Variants in ADAMTS18 observed in about 807,000 individuals in gnomAD.
ADAMTS18 encodes the protein A disintegrin and metalloproteinase with thrombospondin motifs 18.
ADAMTS18 carries 157 observed loss-of-function variants against 165.9 expected under a neutral mutation model. That is an observed-to-expected ratio of 0.95 (90% CI 0.83 to 1.08). The LOEUF is 1.08. ADAMTS18 is among the 50% of genes least tolerant of loss of function. ADAMTS18 has a pLI of 0.00. For missense variants in ADAMTS18, 2,040 were observed against 1,534.0 expected (o/e 1.33, Z -5.51); for synonymous variants, 782 against 578.2 (o/e 1.35, Z -5.06).
At chr16:77,354,759 T>A (rs2056603755) in intron 9 of ADAMTS18, among the ~76,000 whole-genome samples, 1 of 152,230 alleles carries the variant, frequency 6.6e-6, no homozygotes, top group South Asian at 2.1e-4. Context: ...CAAAGTTAGC[T>A]GCTGCTGTTA....
rs1362425635 is a variant in ADAMTS18, at chr16:77,322,460, T to C, written c.2039A>G (p.Asp680Gly). ...AGCCTTGCAGTACAGTTTGCATCGA[T>C]CTTCCTCTAGAAACAAAGAGATCAA... Reference protein sequence around the residue: ...WKPYTKVEEEDRCKLYCKAEN... With the variant: ...WKPYTKVEEEGRCKLYCKAEN... The change falls in exon 14 of 23, where the codon GAT (aspartate) becomes GGT (glycine). Residue 680 changes from aspartate to glycine, a missense_variant. Physicochemically the swap from Asp to Gly is moderately conservative, Grantham distance 94. Transcript: ENST00000282849. 6.2e-7 allele frequency: 1 copy of C among 1,613,998 alleles called. No homozygotes were observed.
At chr16:77,319,268 T>C (rs2055943882) in intron 16 of ADAMTS18, among the ~76,000 whole-genome samples, 1 of 152,286 alleles carries the variant, frequency 6.6e-6, no homozygotes. Flanking sequence ...AAAAGTATTC[T>C]TGCTACATTC....
chr16:77,299,375 A>G (rs994557093), intron 17 of ADAMTS18, among the ~76,000 whole-genome samples: 1 of 152,242 alleles, frequency 6.6e-6, no homozygotes, highest in African/African-American at 2.4e-5. Flanking sequence ...ATTATTTTAT[A>G]TATGTATCCT....
At chr16:77,351,715 T>C (rs140133476) in intron 10 of ADAMTS18, among the ~76,000 whole-genome samples, 10 of 152,126 alleles carry the variant, frequency 6.6e-5, no homozygotes, top group African/African-American at 2.2e-4. Flanking sequence ...AACAGGAAAA[T>C]AGAACAGTCT....
At chr16:77,355,403 A>G (rs116328893) in intron 9 of ADAMTS18, among the ~76,000 whole-genome samples, 1,932 of 152,322 alleles carry the variant, frequency 0.013, 56 homozygotes, top group African/African-American at 0.043. Flanking sequence ...CATTTCAAAC[A>G]TAATAGTCAA....
chr16:77,289,163 C>G (rs1046288680), intron 22 of ADAMTS18, 101 bp downstream of exon 22: 2 of 1,471,644 alleles, frequency 1.4e-6, no homozygotes, highest in African/African-American at 1.4e-5. Context: ...ATGGCTTACC[C>G]TAGAGTTGTA....
chr16:77,294,272 T>A (rs945466178), intron 19 of ADAMTS18, among the ~76,000 whole-genome samples: 5 of 152,112 alleles, frequency 3.3e-5, no homozygotes, highest in African/African-American at 1.2e-4. Flanking sequence ...TAATTCTTTG[T>A]GGTGAGGAGC....
chr16:77,312,449 G>A (rs1208941833), intron 16 of ADAMTS18, among the ~76,000 whole-genome samples: 1 of 152,068 alleles, frequency 6.6e-6, no homozygotes, highest in Admixed American at 6.6e-5. Context: ...TGTTGGCTGG[G>A]CTGGTCTCGA....
rs1363359003 is a variant in ADAMTS18 at position 77,292,971 on chromosome 16, C to A, written c.3189+105G>T. On this transcript the variant is annotated intron_variant, in intron 20 of 22. Transcript: ENST00000282849. ...AGTAGATCAGACTACAGGCGCCTGC[C>A]ACCTTGCCTGGCTAATTTTTTGTAT... 3.5e-6 allele frequency: 5 copies of A among 1,438,748 alleles called. No individual in the cohort carries two copies. The Admixed American group carries it at 8.7e-5, about 25-fold the overall frequency. 89.1% of individuals were successfully genotyped at this position (1,438,748 alleles called of 1,614,324 possible).
intron 16 of ADAMTS18, among the ~76,000 whole-genome samples, chr16:77,315,022 A>G (rs544979423): frequency 1.3e-5 from 2 of 151,444 alleles, no homozygotes; most frequent in African/African-American, 4.9e-5. Flanking sequence ...CTGTGTGTAG[A>G]ACATCTTGGA....
At position 77,334,907 on chromosome 16, in the gene ADAMTS18, G is replaced by C. The variant is rs8045729; in HGVS notation, c.1859+849C>G. The stretch of plus-strand genomic sequence containing the variant: ...TATTATAATATACAGTATATATACT[G>C]TACATTATAGTATATAGTATATATA... On this transcript the variant is annotated intron_variant, in intron 12 of 22. Coordinates refer to ENST00000282849, the MANE Select transcript of ADAMTS18 (RefSeq NM_199355.4). Among the ~76,000 whole-genome samples the C allele has an allele frequency of 4.4e-3, 588 of 134,584 alleles. 4 individuals are homozygous for C. The highest frequency in any genetic ancestry group is 0.015 in the African/African-American group (531 of 36,176). 88.3% of individuals were successfully genotyped at this position (134,584 alleles called of 152,430 possible). A position where few individuals can be genotyped will look rare whatever the true frequency, so the allele number is the denominator to read the frequency against.
intron 16 of ADAMTS18, among the ~76,000 whole-genome samples, chr16:77,302,244 G>C (rs888732611): frequency 4.6e-5 from 7 of 152,208 alleles, no homozygotes; most frequent in Middle Eastern, 3.4e-3. Flanking sequence ...AGAATTGTGA[G>C]AGCAGTTTTA....
At chr16:77,327,172 C>A (rs149594826) in intron 12 of ADAMTS18, among the ~76,000 whole-genome samples, 1 of 152,148 alleles carries the variant, frequency 6.6e-6, no homozygotes, top group East Asian at 1.9e-4. Flanking sequence ...CTGCATGTGT[C>A]TTTATGGTAG....
chr16:77,290,406 A>C (rs2055339616), intron 21 of ADAMTS18: 1 of 152,192 alleles, frequency 6.6e-6, no homozygotes, highest in Admixed American at 6.5e-5. Context: ...CTGACCCCTT[A>C]ATCTAAATAA....
At chr16:77,327,693 A>C (rs922449345) in intron 12 of ADAMTS18, among the ~76,000 whole-genome samples, 1 of 152,114 alleles carries the variant, frequency 6.6e-6, no homozygotes, top group African/African-American at 2.4e-5. Flanking sequence ...AACACACCTA[A>C]ATGTTCTTTT....
At chr16:77,327,423 C>T (rs2056114574) in intron 12 of ADAMTS18, among the ~76,000 whole-genome samples, 1 of 152,138 alleles carries the variant, frequency 6.6e-6, no homozygotes, top group African/African-American at 2.4e-5. Flanking sequence ...TGAATGAGAA[C>T]ATACAATGTT....
rs760767554 is a variant in ADAMTS18 at position 77,356,089 on chromosome 16, T to A, written c.1323-12A>T. 2 of 1,613,964 alleles carry A rather than the reference T, an allele frequency of 1.2e-6. No homozygotes were observed. Among genetic ancestry groups the A allele is most frequent in the Non-Finnish European group, 1.7e-6 (2 of 1,179,918 alleles). On this transcript the variant is annotated splice_polypyrimidine_tract_variant and intron_variant, in intron 8 of 22. Transcript: ENST00000282849. ...GAATCATACCAAAGCTGAAACAGAATGAAGAAAACAAAATCCTGCTTTGTG... is the reference window on the plus strand; with the variant it reads ...GAATCATACCAAAGCTGAAACAGAAAGAAGAAAACAAAATCCTGCTTTGTG...
chr16:77,420,821 T>C (rs923930712), intron 3 of ADAMTS18, among the ~76,000 whole-genome samples: 4 of 152,186 alleles, frequency 2.6e-5, no homozygotes, highest in African/African-American at 9.7e-5. Flanking sequence ...GCATGCAGTA[T>C]TTACCCACAG....
At chr16:77,397,466 C>T (rs2057273242) in intron 3 of ADAMTS18, among the ~76,000 whole-genome samples, 1 of 152,140 alleles carries the variant, frequency 6.6e-6, no homozygotes, top group African/African-American at 2.4e-5. Flanking sequence ...TAACTCCATG[C>T]TAAAGGGAAT....
Sources: allele counts gnomAD v4.1 joint callset (sites outside exome capture counted in the v4.1 genomes callset), GRCh38; gene constraint gnomAD v4.1.1; transcripts MANE v1.5; gene names NCBI Gene and HGNC (gene_info 2026-07-23, HGNC 2026-07-21).